The following SASH1 variants were observed in gnomAD, a reference collection of about 807,000 sequenced individuals.
SASH1 encodes SAM and SH3 domain-containing protein 1.
A neutral mutation model predicts 125.2 loss-of-function variants in SASH1; 44 were observed. The observed-to-expected ratio is 0.35, with a 90% CI of 0.28 to 0.45. The LOEUF is 0.45. Ranked by LOEUF, SASH1 falls within the 20% of genes least tolerant of loss-of-function variation. The pLI, the probability that SASH1 is intolerant of heterozygous loss-of-function variation, is 1.00. For synonymous variants in SASH1, 639 were observed against 649.1 expected (o/e 0.98, Z 0.24); for missense variants, 1,426 against 1,614.5 (o/e 0.88, Z 2.00).
chr6:148,476,452 C>G (rs1331771732), intron 7 of SASH1, among the ~76,000 whole-genome samples: 1 of 152,044 alleles, frequency 6.6e-6, no homozygotes, highest in Admixed American at 6.6e-5. Context: ...GAGGCCGAGG[C>G]GGACAGATCA....
chr6:148,394,945 GT>G (rs1783889646), intron 2 of SASH1, among the ~76,000 whole-genome samples: 1 of 152,194 alleles, frequency 6.6e-6, no homozygotes, highest in Admixed American at 6.5e-5. Context: ...TGACTGGCCA[GT>G]TTCTTTCTAT....
At chr6:148,451,212 C>T (rs1287557418) in intron 4 of SASH1, among the ~76,000 whole-genome samples, 1 of 152,196 alleles carries the variant, frequency 6.6e-6, no homozygotes, top group East Asian at 1.9e-4. Flanking sequence ...CTGAATGCCC[C>T]TAGTTATTTG....
At position 148,416,858 on chromosome 6, in the gene SASH1, C is replaced by T. The variant is rs148798606; in HGVS notation, c.286-23326C>T. ...GCAGAAATTTGCAGGAGAGACCAGC[C>T]TGAATTTAGACCCAGCCATTGAGGG... On this transcript the variant is annotated intron_variant, in intron 2 of 19. Transcript: ENST00000367467. Among the ~76,000 whole-genome samples, 11 of 152,294 alleles carry T rather than the reference C, an allele frequency of 7.2e-5. No individual in the cohort carries two copies. The East Asian group carries it at 1.9e-3, about 27-fold the overall frequency.
intron 1 of SASH1, among the ~76,000 whole-genome samples, chr6:148,336,606 C>T (rs1582981989): frequency 6.6e-6 from 1 of 152,178 alleles, no homozygotes; most frequent in Admixed American, 6.5e-5. Context: ...TCAGGAACTC[C>T]ACCAAGGGAA....
chr6:148,334,882 G>C (rs1203970093), intron 1 of SASH1, among the ~76,000 whole-genome samples: 1 of 150,818 alleles, frequency 6.6e-6, no homozygotes, highest in Non-Finnish European at 1.5e-5. Flanking sequence ...GCTGAGGTAG[G>C]GAGAATCACT....
At chr6:148,507,469 C>T (rs1341882249) in intron 8 of SASH1, among the ~76,000 whole-genome samples, 1 of 152,142 alleles carries the variant, frequency 6.6e-6, no homozygotes, top group East Asian at 1.9e-4. Flanking sequence ...CTCCCGGACT[C>T]AATTTATCCT....
In SASH1 at chr6:148,477,489, A is replaced by G. The variant is rs1299898631; in HGVS notation, c.627+3267A>G. On this transcript the variant is annotated intron_variant, in intron 7 of 19. Transcript: ENST00000367467. ...CTCAACATTATTGGTCATCAGAGACATGCAAATCAAAACTACAGTAAGATA... is the reference window on the plus strand; with the variant it reads ...CTCAACATTATTGGTCATCAGAGACGTGCAAATCAAAACTACAGTAAGATA... Among the ~76,000 whole-genome samples, 3 of 152,166 alleles carry G rather than the reference A, an allele frequency of 2.0e-5. No homozygotes were observed. The East Asian group carries it at 5.8e-4, about 29-fold the overall frequency.
intron 8 of SASH1, chr6:148,513,394 C>G: frequency 1.0e-6 from 1 of 985,446 alleles, no homozygotes; most frequent in Non-Finnish European, 1.2e-6. Context: ...GTGTTGCACA[C>G]TCGTTTAGTC....
At position 148,418,186 on chromosome 6, in the gene SASH1, C is replaced by A. The variant is rs17078354; in HGVS notation, c.286-21998C>A. Among the ~76,000 whole-genome samples, 826 of 152,246 alleles carry A rather than the reference C, an allele frequency of 5.4e-3. 31 individuals are homozygous for A. The East Asian group carries it at 0.11, about 20-fold the overall frequency. On this transcript the variant is annotated intron_variant, in intron 2 of 19. Transcript: ENST00000367467. ...AACATCTAGGTGTAAATAACCAAAT[C>A]AGCCATCATTTCAATTTTTTGTTTA...
At chr6:148,326,333 TATATATATATATATATATATATATGC>T (rs1268698464) in intron 1 of SASH1, among the ~76,000 whole-genome samples, 681 of 65,592 alleles carry the variant, frequency 0.01, 65 homozygotes, top group Non-Finnish European at 0.016. Context: ...CATATATATA[TATATATATATATATATATATATATGC>T]ATATATATAT....
chr6:148,231,073 A>C, the SASH1 span, among the ~76,000 whole-genome samples: 1 of 152,258 alleles, frequency 6.6e-6, no homozygotes, highest in East Asian at 1.9e-4. Flanking sequence ...ATGAAGGTTT[A>C]CTTCTATGTT....
chr6:148,476,388 C>G (rs2115149121), intron 7 of SASH1, among the ~76,000 whole-genome samples: 1 of 151,746 alleles, frequency 6.6e-6, no homozygotes, highest in Admixed American at 6.6e-5. Flanking sequence ...CAATCCATAC[C>G]AAAATACCAG....
intron 4 of SASH1, among the ~76,000 whole-genome samples, chr6:148,444,287 C>G (rs889925081): frequency 5.9e-5 from 9 of 152,176 alleles, no homozygotes; most frequent in African/African-American, 2.2e-4. Flanking sequence ...TCACTTCTGT[C>G]AGTAGTATTT....
chr6:148,533,568 C>T lies in SASH1; in HGVS notation c.1735-203C>T, dbSNP rs989345227. ...GTGACCGGGGGCCTGCGTGGAATTC[C>T]GTACAGTCAGAGACACCTGTCTGGC... On this transcript the variant is annotated intron_variant, in intron 14 of 19. Transcript: ENST00000367467. The surrounding 1 kb of genome is among the most constrained non-coding windows in gnomAD (Gnocchi z 6.2). Among the ~76,000 whole-genome samples, 1 of 152,124 alleles carries T rather than the reference C, an allele frequency of 6.6e-6. No homozygotes were observed. The highest frequency in any genetic ancestry group is 1.5e-5 in the Non-Finnish European group (1 of 68,016).
At chr6:148,341,487 T>TATCA (rs1401504705), upstream of SASH1, among the ~76,000 whole-genome samples, 1 of 152,082 alleles carries the variant, frequency 6.6e-6, no homozygotes, top group Non-Finnish European at 1.5e-5. Context: ...ACACAAAAAT[T>TATCA]ATCAGGGATT....
Position 148,531,718 on chromosome 6 carries a change from C to T in SASH1, c.1564+57C>T. 2.9e-6 allele frequency: 4 copies of T among 1,364,228 alleles called. 2 individuals are homozygous for T. The South Asian group carries it at 8.3e-5, about 28-fold the overall frequency. The allele number at this position is 1,364,228 out of a possible 1,614,324, so 84.5% of individuals were successfully genotyped here. ...CTTTGGAGTTAATATCTGACATATA[C>T]TGAGCACTAGGTTCAGGCAATTTCA... On this transcript the variant is annotated intron_variant, in intron 13 of 19. Coordinates refer to ENST00000367467, the MANE Select transcript of SASH1 (RefSeq NM_015278.5).
At chr6:148,369,608 G>A (rs1782627000) in intron 1 of SASH1, among the ~76,000 whole-genome samples, 2 of 151,796 alleles carry the variant, frequency 1.3e-5, no homozygotes, top group East Asian at 1.9e-4. Context: ...TAAGGTCAGA[G>A]CCTAGCATCT....
the SASH1 span, among the ~76,000 whole-genome samples, chr6:148,249,926 G>A: frequency 2.3e-3 from 350 of 152,218 alleles, no homozygotes; most frequent in African/African-American, 8.2e-3. Context: ...TCTGATCCTC[G>A]AAGAAAACAT....
chr6:148,276,463 G>A (rs889445918), intron 1 of SASH1, among the ~76,000 whole-genome samples: 1 of 152,122 alleles, frequency 6.6e-6, no homozygotes, highest in Admixed American at 6.6e-5. Flanking sequence ...GATCACTTCG[G>A]TGACTAAAAT....
Sources: gnomAD v4.1 joint callset for allele counts (sites outside exome capture counted in the v4.1 genomes callset) on GRCh38, gnomAD v4.1.1 for gene constraint, Gnocchi (gnomAD v3.1) non-coding constraint, MANE v1.5 for transcripts, NCBI Gene and HGNC (gene_info 2026-07-23, HGNC 2026-07-21) for gene names.